Variants in TMEM273 observed in about 807,000 individuals in gnomAD.
TMEM273 encodes chromosome 10 open reading frame 128.
Under a neutral mutation model 17.9 loss-of-function variants are expected in TMEM273, and 19 were observed. That is an observed-to-expected ratio of 1.06 (90% CI 0.74 to 1.55). TMEM273 has a LOEUF of 1.55. Among genes scored for constraint, TMEM273 ranks in the 40% most tolerant of loss-of-function variants. TMEM273 has a pLI of 0.00. For missense variants in TMEM273, 194 were observed against 155.6 expected, an observed-to-expected ratio of 1.25 and a Z score of -1.31; for synonymous variants, 66 against 62.0, an observed-to-expected ratio of 1.07 and a Z score of -0.31.
Position 49,175,387 on chromosome 10 carries a change from G to A in TMEM273, c.44-7425C>T, listed in dbSNP as rs568407217. On this transcript the variant is annotated intron_variant, in intron 1 of 6. Coordinates refer to ENST00000374153, the MANE Select transcript of TMEM273 (RefSeq NM_001288740.3). ...GCCGCACGCCACCCTGGGCAGGAAC[G>A]AGAAGCAGGAGGCCACGGAGGGCCA... Among the ~76,000 whole-genome samples the A allele has an allele frequency of 4.6e-5, 7 of 152,344 alleles. 1 individual carries two copies. In the South Asian group the frequency reaches 8.3e-4, roughly 18 times the overall value.
intron 1 of TMEM273, among the ~76,000 whole-genome samples, chr10:49,170,533 G>C (rs894329015): frequency 2.6e-5 from 4 of 152,128 alleles, no homozygotes; most frequent in Admixed American, 1.3e-4. Context: ...CCCCAAAGAG[G>C]CTCTATTTTT....
intron 1 of TMEM273, among the ~76,000 whole-genome samples, chr10:49,180,069 G>A (rs755619832): frequency 1.3e-4 from 20 of 152,148 alleles, no homozygotes; most frequent in Admixed American, 3.9e-4. Flanking sequence ...AAAAGTCCCC[G>A]CCCCCAGGGG....
At chr10:49,183,456 T>C (rs1021162757) in intron 1 of TMEM273, among the ~76,000 whole-genome samples, 21 of 152,148 alleles carry the variant, frequency 1.4e-4, no homozygotes, top group Admixed American at 4.6e-4. Context: ...GTCATATGAG[T>C]GTTCTTTGTA....
intron 1 of TMEM273, among the ~76,000 whole-genome samples, chr10:49,180,190 C>G (rs1236108836): frequency 3.9e-5 from 6 of 152,192 alleles, no homozygotes; most frequent in Non-Finnish European, 4.4e-5. Context: ...ACTGCCCAGC[C>G]ACCACGAGGC....
chr10:49,165,258 A>G lies in TMEM273; in HGVS notation c.295T>C (p.Ser99Pro). Residue 99 changes from serine to proline, a missense_variant, in exon 5 of 7, where the codon TCC (serine) becomes CCC (proline). Ser to Pro is a moderately conservative substitution (Grantham distance 74). Transcript: ENST00000374153. ...TGACACTGAAGCAGGGATTTGAAGG[A>G]AAAGAGGGTCGAGGCTTGCAGCTTT... Reference protein sequence around the residue: ...PRKLQASTLFSFKSLLQCHHC... With the variant: ...PRKLQASTLFPFKSLLQCHHC... 1 of 1,550,526 alleles carries G rather than the reference A, an allele frequency of 6.4e-7. No individual in the cohort carries two copies. Among genetic ancestry groups the G allele is most frequent in the South Asian group, 1.2e-5 (1 of 84,058 alleles).
rs571502818 is a variant in TMEM273, at chr10:49,155,056, T to A, written c.*836A>T. 7 of 152,386 alleles carry A rather than the reference T, an allele frequency of 4.6e-5. No homozygotes were observed. Among genetic ancestry groups the A allele is most frequent in the Admixed American group, 2.6e-4 (4 of 15,304 alleles). The allele number at this position is 152,386 out of a possible 1,614,324, so 9.4% of individuals were successfully genotyped here. ...AGGGAGAGAAATGCTCACGGGGCCT[T>A]AGCCTGATGGCAATTGTAGAATGTC... On this transcript the variant is annotated 3_prime_UTR_variant, in exon 7 of 7. Coordinates refer to ENST00000374153, the MANE Select transcript of TMEM273 (RefSeq NM_001288740.3).
At position 49,155,496 on chromosome 10, in the gene TMEM273, T is replaced by A. The variant is rs888749052; in HGVS notation, c.*396A>T. 4.2e-6 allele frequency: 1 copy of A among 239,322 alleles called. No individual in the cohort carries two copies. Among genetic ancestry groups the A allele is most frequent in the East Asian group, 9.4e-5 (1 of 10,666 alleles). 14.8% of individuals were successfully genotyped at this position (239,322 alleles called of 1,614,324 possible). ...AAGTAGTGCCTAACTGTTGATAAGA[T>A]GGCAGTGTGTAGGAAGCTGTGTGTT... On this transcript the variant is annotated 3_prime_UTR_variant, in exon 7 of 7. Transcript: ENST00000374153.
chr10:49,187,703 C>T (rs555061674), intron 1 of TMEM273, among the ~76,000 whole-genome samples: 5 of 152,282 alleles, frequency 3.3e-5, no homozygotes, highest in African/African-American at 1.2e-4. Flanking sequence ...CCATTTGGCC[C>T]TACTTTGTTT....
intron 1 of TMEM273, among the ~76,000 whole-genome samples, chr10:49,183,650 C>T (rs1010215243): frequency 6.6e-6 from 1 of 152,160 alleles, no homozygotes; most frequent in African/African-American, 2.4e-5. Flanking sequence ...TGAATCCCAA[C>T]TGGGCCACTC....
intron 1 of TMEM273, among the ~76,000 whole-genome samples, chr10:49,180,513 C>A (rs567947150): frequency 1.3e-5 from 2 of 152,218 alleles, no homozygotes; most frequent in South Asian, 4.2e-4. Context: ...CCTTTTCTCT[C>A]GACAGAATGA....
chr10:49,179,855 C>T (rs985841475), intron 1 of TMEM273, among the ~76,000 whole-genome samples: 2 of 152,180 alleles, frequency 1.3e-5, no homozygotes, highest in Admixed American at 1.3e-4. Context: ...GAAGACAAGA[C>T]TTTTAGGTGA....
At chr10:49,186,110 G>GAAGAAGAAGAAGAAGAAGAAGAA (rs59346438) in intron 1 of TMEM273, among the ~76,000 whole-genome samples, 906 of 82,756 alleles carry the variant, frequency 0.011, 50 homozygotes, top group African/African-American at 0.016. Flanking sequence ...AAGAAGAAGA[G>GAAGAAGAAGAAGAAGAAGAAGAA]GAAGAAGAAG....
intron 1 of TMEM273, among the ~76,000 whole-genome samples, chr10:49,175,720 C>T (rs549824745): frequency 9.2e-5 from 14 of 152,376 alleles, no homozygotes; most frequent in East Asian, 1.9e-4. Flanking sequence ...GGGCCCCCCC[C>T]ACCTGGTGTC....
intron 1 of TMEM273, among the ~76,000 whole-genome samples, chr10:49,172,280 A>G (rs1021968450): frequency 4.6e-5 from 7 of 152,200 alleles, no homozygotes; most frequent in South Asian, 4.1e-4. Flanking sequence ...CCAGAGACCC[A>G]AGTGCCCCAT....
intron 5 of TMEM273, 59 bp from the exon 6 acceptor site, chr10:49,161,681 G>A: frequency 6.2e-7 from 1 of 1,607,580 alleles, no homozygotes; most frequent in African/African-American, 1.3e-5. Flanking sequence ...GAAAGACAAT[G>A]CAAAACTTGC....
chr10:49,163,304 T>TGAGA (rs528200016), intron 5 of TMEM273, among the ~76,000 whole-genome samples: 303 of 150,264 alleles, frequency 2.0e-3, no homozygotes, highest in Admixed American at 4.6e-3. Flanking sequence ...TGTGTGTGTG[T>TGAGA]GTGAGAGAGA....
intron 6 of TMEM273, among the ~76,000 whole-genome samples, chr10:49,158,931 ATCT>A (rs1845677657): frequency 2.0e-5 from 3 of 152,186 alleles, no homozygotes; most frequent in African/African-American, 7.2e-5. Context: ...ATATGTAAAC[ATCT>A]TCTAATTTTA....
At position 49,155,001 on chromosome 10, in the gene TMEM273, T is replaced by C. The variant is rs1845432734; in HGVS notation, c.*891A>G. The C allele has an allele frequency of 6.6e-6, 1 of 152,212 alleles. No individual in the cohort carries two copies. The highest frequency in any genetic ancestry group is 6.5e-5 in the Admixed American group (1 of 15,274). 9.4% of individuals were successfully genotyped at this position (152,212 alleles called of 1,614,324 possible). A position where few individuals can be genotyped will look rare whatever the true frequency, so the allele number is the denominator to read the frequency against. On this transcript the variant is annotated 3_prime_UTR_variant, in exon 7 of 7. Transcript: ENST00000374153. ...GAAAGGCAAAGAATATTCCGTGATG[T>C]GATCCCAGAAATACAGGGTTAATAT...
Position 49,166,953 on chromosome 10 carries a change from G to T in TMEM273, c.154C>A (p.Leu52Met). 1 of 1,614,162 alleles carries T rather than the reference G, an allele frequency of 6.2e-7. No homozygotes were observed. The highest frequency in any genetic ancestry group is 8.5e-7 in the Non-Finnish European group (1 of 1,180,032). Reference protein sequence around the residue: ...AVGVAISAGFLALKICMIRRH... With the variant: ...AVGVAISAGFMALKICMIRRH... ...CTGATCATGCAGATCTTCAGGGCCA[G>T]GAAGCCAGCAGATATGGCGACACCC... The change falls in exon 3 of 7, where the codon CTG (leucine) becomes ATG (methionine). Residue 52 changes from leucine (L) to methionine (M), a missense_variant. By Grantham distance (15) the Leu-to-Met change is conservative. Transcript: ENST00000374153.
Sources: gnomAD v4.1 joint callset for allele counts (sites outside exome capture counted in the v4.1 genomes callset) on GRCh38, gnomAD v4.1.1 for gene constraint, MANE v1.5 for transcripts, NCBI Gene and HGNC (gene_info 2026-07-23, HGNC 2026-07-21) for gene names.